CYP2C19: variants seen among roughly 807,000 people sequenced by gnomAD.
CYP2C19 encodes the protein cytochrome P450 2C19.
Under a neutral mutation model 40.9 loss-of-function variants are expected in CYP2C19, and 59 were observed. That is an observed-to-expected ratio of 1.44 (90% CI 1.17 to 1.79). The LOEUF is 1.79. CYP2C19 is among the 40% of genes most tolerant of loss of function. CYP2C19 has a pLI of 0.00. For missense variants in CYP2C19, 754 were observed against 596.9 expected (o/e 1.26, Z -2.74); for synonymous variants, 253 against 208.7 (o/e 1.21, Z -1.83).
intron 5 of CYP2C19, among the ~76,000 whole-genome samples, chr10:94,795,050 A>T (rs1848663067): frequency 6.6e-6 from 1 of 151,744 alleles, no homozygotes; most frequent in Non-Finnish European, 1.5e-5. Context: ...ACATGTGCAC[A>T]ATGTGCAGGT....
chr10:94,795,048 A>G (rs923043564), intron 5 of CYP2C19, among the ~76,000 whole-genome samples: 2 of 151,822 alleles, frequency 1.3e-5, no homozygotes, highest in African/African-American at 4.8e-5. Flanking sequence ...GTACATGTGC[A>G]CAATGTGCAG....
intron 6 of CYP2C19, among the ~76,000 whole-genome samples, chr10:94,840,922 C>T (rs543266651): frequency 1.3e-5 from 2 of 152,350 alleles, no homozygotes; most frequent in Non-Finnish European, 2.9e-5. Flanking sequence ...TATTTTCCTC[C>T]AGTTCTAAGG....
At chr10:94,817,520 G>T (rs1215831372) in intron 5 of CYP2C19, among the ~76,000 whole-genome samples, 18 of 144,428 alleles carry the variant, frequency 1.2e-4, no homozygotes, top group South Asian at 4.8e-4. Context: ...TTTCTCCCAT[G>T]TTGTAGGTTG....
At chr10:94,834,620 G>T (rs1849374716) in intron 6 of CYP2C19, among the ~76,000 whole-genome samples, 2 of 151,410 alleles carry the variant, frequency 1.3e-5, no homozygotes, top group Admixed American at 1.3e-4. Flanking sequence ...ACAAAGGGAG[G>T]GGACCCAAAG....
At chr10:94,786,567 G>A (rs948278745) in intron 5 of CYP2C19, among the ~76,000 whole-genome samples, 1 of 152,070 alleles carries the variant, frequency 6.6e-6, no homozygotes, top group South Asian at 2.1e-4. Flanking sequence ...TTCAGGAAGT[G>A]CATGTTCAAG....
chr10:94,832,087 A>G (rs1219422898), intron 6 of CYP2C19, among the ~76,000 whole-genome samples: 1 of 152,182 alleles, frequency 6.6e-6, no homozygotes, highest in Non-Finnish European at 1.5e-5. Flanking sequence ...TGTATGTGGC[A>G]AGATATATGA....
intron 6 of CYP2C19, among the ~76,000 whole-genome samples, chr10:94,830,471 C>A (rs1279005973): frequency 2.6e-5 from 4 of 152,212 alleles, no homozygotes; most frequent in Admixed American, 6.5e-5. Context: ...CTCCCTGACC[C>A]CTTGCACTTC....
intron 7 of CYP2C19, among the ~76,000 whole-genome samples, chr10:94,846,946 A>G (rs2134289758): frequency 6.6e-6 from 1 of 152,224 alleles, no homozygotes; most frequent in East Asian, 1.9e-4. Context: ...ACTTGTGACT[A>G]TACTTGTTAC....
intron 7 of CYP2C19, among the ~76,000 whole-genome samples, chr10:94,848,908 G>C (rs919789987): frequency 6.6e-6 from 1 of 152,248 alleles, no homozygotes; most frequent in African/African-American, 2.4e-5. Context: ...GAATGCTTGT[G>C]ATTTTTGTCC....
rs116331400 is a variant in CYP2C19 at position 94,799,934 on chromosome 10, T to C, written c.819+17937T>C. On this transcript the variant is annotated intron_variant, in intron 5 of 8. Transcript: ENST00000371321. Reference sequence around the variant, plus strand: ...TTTTTCAAGGTTTTTAGCTTTCTTATGATGCGTTAGAACATGCTCCTTTAG... The same window carrying C: ...TTTTTCAAGGTTTTTAGCTTTCTTACGATGCGTTAGAACATGCTCCTTTAG... Among the ~76,000 whole-genome samples, 473 of 152,280 alleles carry C rather than the reference T, an allele frequency of 3.1e-3. 3 individuals are homozygous for C. The highest frequency in any genetic ancestry group is 0.011 in the African/African-American group (450 of 41,568).
rs747232605 is a variant in CYP2C19 at position 94,780,631 on chromosome 10, T to G, written c.614T>G (p.Ile205Ser). Residue 205 changes from isoleucine (I) to serine (S), a missense_variant, in exon 4 of 9, where the codon ATC (isoleucine) becomes AGC (serine). Coordinates refer to ENST00000371321, the MANE Select transcript of CYP2C19 (RefSeq NM_000769.4). Reference sequence around the variant, plus strand: ...TTGATGGAAAAATTGAATGAAAACATCAGGATTGTAAGCACCCCCTGGATC... The same window carrying G: ...TTGATGGAAAAATTGAATGAAAACAGCAGGATTGTAAGCACCCCCTGGATC... Reference protein sequence around the residue: ...LNLMEKLNENIRIVSTPWIQI... With the variant: ...LNLMEKLNENSRIVSTPWIQI... 1.5e-4 allele frequency: 241 copies of G among 1,613,660 alleles called. No individual in the cohort carries two copies. The highest frequency in any genetic ancestry group is 2.0e-4 in the Non-Finnish European group (236 of 1,179,872).
chr10:94,841,333 G>A (rs1050209840), intron 6 of CYP2C19, among the ~76,000 whole-genome samples: 5 of 152,160 alleles, frequency 3.3e-5, no homozygotes, highest in African/African-American at 9.7e-5. Context: ...TGGATCAGGA[G>A]CACAGCAGAC....
chr10:94,802,406 C>T (rs890713161), intron 5 of CYP2C19, among the ~76,000 whole-genome samples: 4 of 151,914 alleles, frequency 2.6e-5, no homozygotes, highest in Admixed American at 1.3e-4. Flanking sequence ...GGATTGCAAC[C>T]CCTGCTTTTT....
intron 7 of CYP2C19, among the ~76,000 whole-genome samples, chr10:94,845,620 T>C (rs912867126): frequency 6.6e-6 from 1 of 152,188 alleles, no homozygotes; most frequent in Non-Finnish European, 1.5e-5. Context: ...TTTACATCAA[T>C]GACATGTTTC....
intron 3 of CYP2C19, chr10:94,776,496 A>G (rs938695150): frequency 1.3e-5 from 2 of 152,170 alleles, no homozygotes; most frequent in Admixed American, 1.3e-4. Flanking sequence ...TGAAAGACTG[A>G]AAATCAGATT....
At chr10:94,808,609 C>A (rs549088596) in intron 5 of CYP2C19, among the ~76,000 whole-genome samples, 43 of 152,256 alleles carry the variant, frequency 2.8e-4, no homozygotes, top group Admixed American at 5.2e-4. Context: ...CCTCTGGTAA[C>A]CATCTTTCTA....
Position 94,847,077 on chromosome 10 carries a change from A to C in CYP2C19, c.1150-2840A>C, listed in dbSNP as rs545758619. 2.0e-5 allele frequency among the ~76,000 whole-genome samples: 3 copies of C among 148,332 alleles called. No individual in the cohort carries two copies. In the South Asian group the frequency reaches 6.4e-4, roughly 32 times the overall value. ...TCAACTTTATTTTATTTATTTATTTATTTATTTTTATTATTATACTGTAAG... is the reference window on the plus strand; with the variant it reads ...TCAACTTTATTTTATTTATTTATTTCTTTATTTTTATTATTATACTGTAAG... On this transcript the variant is annotated intron_variant, in intron 7 of 8. Transcript: ENST00000371321.
intron 1 of CYP2C19, among the ~76,000 whole-genome samples, chr10:94,764,902 A>G (rs1198926342): frequency 2.0e-5 from 3 of 152,196 alleles, no homozygotes; most frequent in Admixed American, 6.5e-5. Context: ...TTTGAAAAGC[A>G]TTGTCTGATT....
intron 5 of CYP2C19, among the ~76,000 whole-genome samples, chr10:94,814,361 A>G (rs1208343183): frequency 1.3e-5 from 2 of 151,914 alleles, no homozygotes; most frequent in Non-Finnish European, 2.9e-5. Context: ...TGGTGGTGCC[A>G]TATTTCTTTA....
Sources: allele counts gnomAD v4.1 joint callset (sites outside exome capture counted in the v4.1 genomes callset), GRCh38; gene constraint gnomAD v4.1.1; transcripts MANE v1.5; gene names NCBI Gene and HGNC (gene_info 2026-07-23, HGNC 2026-07-21).